Variants in TAL1 observed in about 807,000 individuals in gnomAD.
The protein encoded by TAL1 is TAL bHLH transcription factor 1, erythroid differentiation factor, also known as T-cell acute lymphocytic leukemia protein 1.
A neutral mutation model predicts 17.9 loss-of-function variants in TAL1; 8 were observed. That is an observed-to-expected ratio of 0.45 (90% CI 0.26 to 0.81). The LOEUF (loss-of-function observed/expected upper bound fraction) is 0.81, where lower values mean the gene tolerates loss of function less well. TAL1 is among the 30% of genes least tolerant of loss of function. TAL1 has a pLI of 0.17. For synonymous variants in TAL1, 223 were observed against 218.6 expected, an observed-to-expected ratio of 1.02 and a Z score of -0.18; for missense variants, 466 against 486.9, an observed-to-expected ratio of 0.96 and a Z score of 0.40.
exon 4 of TAL1, chr1:47,216,438 G>A (rs1277203700): frequency 1.3e-5 from 3 of 229,204 alleles, no homozygotes; most frequent in East Asian, 6.2e-5. Flanking sequence ...TACCTGGAGC[G>A]GTTACTCCTC....
At chr1:47,219,454 T>G in exon 4 of TAL1, 2 of 667,788 alleles carry the variant, frequency 3.0e-6, no homozygotes, top group Non-Finnish European at 5.5e-6. Context: ...TGGGAAGGAT[T>G]TGGGACTGAG....
At chr1:47,222,074 T>C (rs1048870267) in intron 3 of TAL1, among the ~76,000 whole-genome samples, 3 of 152,210 alleles carry the variant, frequency 2.0e-5, no homozygotes, top group Admixed American at 2.0e-4. Context: ...AGGAAATTAC[T>C]TGCTGCTTTC....
intron 3 of TAL1, among the ~76,000 whole-genome samples, chr1:47,222,404 TA>T (rs1185483453): frequency 1.3e-5 from 2 of 152,134 alleles, no homozygotes; most frequent in Non-Finnish European, 2.9e-5. Context: ...ATGTAAACAA[TA>T]ATATTGCCCT....
exon 2 of TAL1, chr1:47,225,690 C>G: frequency 1.4e-6 from 2 of 1,431,176 alleles, no homozygotes; most frequent in Non-Finnish European, 1.8e-6. Context: ...GCGCCGCCCC[C>G]ACCGGCAGGG....
chr1:47,232,219 C>G (rs887202226), upstream of TAL1: 3 of 181,022 alleles, frequency 1.7e-5, no homozygotes, highest in African/African-American at 7.1e-5. Context: ...CGGTCCTGAG[C>G]GGCGGCGGCC....
At chr1:47,218,625 G>A (rs188943324) in exon 4 of TAL1, 18 of 233,014 alleles carry the variant, frequency 7.7e-5, no homozygotes, top group Admixed American at 5.6e-5. Flanking sequence ...CCCTAGAAGT[G>A]AGGCTGGATC....
exon 4 of TAL1, chr1:47,220,161 T>A: frequency 6.4e-7 from 1 of 1,566,660 alleles, no homozygotes; most frequent in Non-Finnish European, 8.7e-7. Flanking sequence ...GCCGCACAAC[T>A]TTGGTGTGGG....
At chr1:47,216,366 T>G in exon 4 of TAL1, 1 of 221,342 alleles carries the variant, frequency 4.5e-6, no homozygotes, top group Non-Finnish European at 9.1e-6. Context: ...ACCACATGGG[T>G]TTTTTTTGCT....
rs1354868044 is a variant in TAL1 at position 47,219,866 on chromosome 1, C to T, written c.850G>A (p.Val284Met). 4.4e-6 allele frequency: 7 copies of T among 1,592,186 alleles called. No homozygotes were observed. In the Admixed American group the frequency reaches 5.1e-5, roughly 12 times the overall value. The stretch of plus-strand genomic sequence containing the variant: ...CCGCAGCTGGAGTTGGGGGAAAGCA[C>T]GTCTTGCAGGAGGTCATCTGGGGGC... The change falls in exon 4 of 4, where the codon GTG becomes ATG. Residue 284 changes from valine to methionine, a missense_variant. Val to Met is a conservative substitution (Grantham distance 21). Around this residue, in one of 5 missense-constraint regions of TAL1, gnomAD observed 134 missense variants for 122.0 expected, o/e 1.10. Coordinates refer to ENST00000294339, the Ensembl canonical transcript of TAL1.
chr1:47,218,096 A>G (rs936486699), exon 4 of TAL1: 7 of 260,266 alleles, frequency 2.7e-5, no homozygotes, highest in Non-Finnish European at 2.9e-5. Context: ...CCCAAACTAT[A>G]AGGGGGGGCT....
intron 3 of TAL1, among the ~76,000 whole-genome samples, chr1:47,222,976 C>T (rs1253662201): frequency 6.6e-6 from 1 of 152,158 alleles, no homozygotes; most frequent in African/African-American, 2.4e-5. Flanking sequence ...AGAAGGCACC[C>T]CTGCCTCTCA....
At chr1:47,226,687 C>T (rs949719795) in intron 1 of TAL1, among the ~76,000 whole-genome samples, 3 of 152,216 alleles carry the variant, frequency 2.0e-5, no homozygotes, top group Non-Finnish European at 2.9e-5. Flanking sequence ...GCTGGCCCAA[C>T]CTCCCTGCAC....
chr1:47,225,620 G>A, exon 2 of TAL1: 1 of 1,382,380 alleles, frequency 7.2e-7, no homozygotes, highest in Non-Finnish European at 9.3e-7. Flanking sequence ...CAGCTCGGTG[G>A]TGGGCACCCG....
exon 2 of TAL1, chr1:47,225,631 A>G: frequency 1.4e-6 from 2 of 1,383,840 alleles, no homozygotes; most frequent in Non-Finnish European, 9.3e-7. Flanking sequence ...TGGGCACCCG[A>G]TGGCGCGCTT....
At chr1:47,219,732 G>A (rs138923039) in exon 4 of TAL1, 84 of 1,609,748 alleles carry the variant, frequency 5.2e-5, no homozygotes, top group Non-Finnish European at 6.5e-5. Flanking sequence ...ACCGAGGGCC[G>A]GCTCCATCGG....
exon 4 of TAL1, chr1:47,219,972 C>T: frequency 6.3e-7 from 1 of 1,587,014 alleles, no homozygotes. Context: ...GGGTGCCCTC[C>T]TCCTCCTGGT....
exon 4 of TAL1, chr1:47,219,894 G>GGCGCCCCCCCCCCCCCCC: frequency 1.3e-6 from 2 of 1,556,026 alleles, no homozygotes; most frequent in African/African-American, 1.4e-5. Context: ...CTGGGGGCGC[G>GGCGCCCCCCCCCCCCCCC]CCGCCCCCTC....
In TAL1 at chr1:47,226,905, G is replaced by C. The variant is rs1643921021; in HGVS notation, c.-1-1016C>G. On this transcript the variant is annotated intron_variant, in intron 1 of 3. Coordinates refer to ENST00000294339, the Ensembl canonical transcript of TAL1. ...CCATCTCCTGCCTTGGTGTTCTTTG[G>C]GAAATGGGAGGAATACCTCCTTTAT... Among the ~76,000 whole-genome samples the C allele has an allele frequency of 2.0e-5, 3 of 152,298 alleles. No homozygotes were observed. The South Asian group carries it at 6.2e-4, about 32-fold the overall frequency.
chr1:47,224,688 AC>A (rs1189808549), intron 2 of TAL1, among the ~76,000 whole-genome samples: 1 of 149,548 alleles, frequency 6.7e-6, no homozygotes, highest in African/African-American at 2.5e-5. Context: ...GCCCTCACCC[AC>A]CCTAAGCTCC....
Sources: allele counts gnomAD v4.1 joint callset (sites outside exome capture counted in the v4.1 genomes callset), GRCh38; gene constraint gnomAD v4.1.1; regional missense constraint gnomAD v4.1.1; transcripts MANE v1.5; gene names NCBI Gene and HGNC (gene_info 2026-07-23, HGNC 2026-07-21).